UNC13B: variants seen among roughly 807,000 people sequenced by gnomAD.
The protein encoded by UNC13B is protein unc-13 homolog B.
A neutral mutation model predicts 211.0 loss-of-function variants in UNC13B; 144 were observed. The ratio of observed to expected loss-of-function variants is 0.68; its 90% CI spans 0.60 to 0.78. The LOEUF is 0.78. UNC13B is among the 30% of genes least tolerant of loss of function. The pLI is 0.00. For missense variants in UNC13B, 1,777 were observed against 2,002.0 expected (o/e 0.89, Z 2.14); for synonymous variants, 709 against 725.8 (o/e 0.98, Z 0.37).
intron 2 of UNC13B, 140 bp downstream of exon 2, chr9:35,228,184 C>A: frequency 2.4e-6 from 2 of 818,298 alleles, no homozygotes; most frequent in Non-Finnish European, 3.7e-6. Flanking sequence ...AATCATTAAT[C>A]TAGTGAAAAA....
chr9:35,377,669 A>G lies in UNC13B; in HGVS notation c.10037A>G (p.Lys3346Arg). 5 of 1,614,096 alleles carry G rather than the reference A, an allele frequency of 3.1e-6. No homozygotes were observed. Among genetic ancestry groups the G allele is most frequent in the Non-Finnish European group, 4.2e-6 (5 of 1,180,016 alleles). The change falls in exon 16 of 40, where the codon AAA (lysine) becomes AGA (arginine). Residue 3346 changes from lysine to arginine, a missense_variant. Transcript: ENST00000635942. ...CAGAGTGTACTGGATGGCACCTCCA[A>G]ATGGTCAGCCAAGATCACCATTACT... ...VKQSVLDGTS[K>R]WSAKITITVV... is the part of the protein sequence containing the mutation.
chr9:35,331,485 G>A (rs1008812469), intron 11 of UNC13B, among the ~76,000 whole-genome samples: 6 of 152,120 alleles, frequency 3.9e-5, no homozygotes, highest in South Asian at 2.1e-4. Flanking sequence ...GGCCTCAAGC[G>A]ATCTGCCTGC....
At chr9:35,348,341 C>T (rs959379130) in intron 11 of UNC13B, among the ~76,000 whole-genome samples, 2 of 152,228 alleles carry the variant, frequency 1.3e-5, no homozygotes, top group Non-Finnish European at 2.9e-5. Flanking sequence ...ATCTCTTCCT[C>T]AGCGTTCAGG....
chr9:35,198,272 G>A (rs1823057228), intron 1 of UNC13B, among the ~76,000 whole-genome samples: 1 of 152,212 alleles, frequency 6.6e-6, no homozygotes, highest in African/African-American at 2.4e-5. Flanking sequence ...TCTCCTGTGA[G>A]TGAGTAAGTT....
chr9:35,348,339 C>T (rs183113439), intron 11 of UNC13B, among the ~76,000 whole-genome samples: 1 of 152,336 alleles, frequency 6.6e-6, no homozygotes, highest in East Asian at 1.9e-4. Context: ...TTATCTCTTC[C>T]TCAGCGTTCA....
intron 11 of UNC13B, among the ~76,000 whole-genome samples, chr9:35,326,559 A>G (rs1035554001): frequency 6.6e-6 from 1 of 151,924 alleles, no homozygotes; most frequent in African/African-American, 2.4e-5. Context: ...CTAAGTTTCT[A>G]TTTTTTAGTT....
chr9:35,250,452 A>G lies in UNC13B; in HGVS notation c.468+7088A>G, dbSNP rs541452148. The stretch of plus-strand genomic sequence containing the variant: ...GGTCCTTTGTTTTCTTTCACTTAGC[A>G]TAATGTTTTCAAGGTTTCATTCTTG... On this transcript the variant is annotated intron_variant, in intron 6 of 39. Coordinates refer to ENST00000635942, the MANE Select transcript of UNC13B (RefSeq NM_001371189.2). Among the ~76,000 whole-genome samples, 4 of 152,320 alleles carry G rather than the reference A, an allele frequency of 2.6e-5. No individual in the cohort carries two copies. The East Asian group carries it at 5.8e-4, about 22-fold the overall frequency.
intron 6 of UNC13B, among the ~76,000 whole-genome samples, chr9:35,254,620 T>TC (rs1358138850): frequency 6.6e-6 from 1 of 152,006 alleles, no homozygotes; most frequent in African/African-American, 2.4e-5. Flanking sequence ...TAGATTTTTT[T>TC]CCCTAATTGT....
intron 11 of UNC13B, chr9:35,341,980 GAATCCCC>G (rs1338509942): frequency 2.0e-6 from 2 of 985,474 alleles, no homozygotes; most frequent in African/African-American, 3.5e-5. Context: ...GCTGATCTCA[GAATCCCC>G]CTTGCCAGAG....
chr9:35,240,046 C>T (rs948890285), intron 5 of UNC13B, among the ~76,000 whole-genome samples: 4 of 152,192 alleles, frequency 2.6e-5, no homozygotes, highest in Non-Finnish European at 5.9e-5. Flanking sequence ...TAGGAAATCT[C>T]GAGTATTGAT....
chr9:35,255,656 G>T (rs879370935), intron 6 of UNC13B, among the ~76,000 whole-genome samples: 1 of 152,140 alleles, frequency 6.6e-6, no homozygotes, highest in African/African-American at 2.4e-5. Flanking sequence ...TGGCAGAACT[G>T]GTTGGGCCAG....
intron 11 of UNC13B, among the ~76,000 whole-genome samples, chr9:35,365,416 C>G (rs1260847984): frequency 6.6e-6 from 1 of 152,204 alleles, no homozygotes; most frequent in Admixed American, 6.5e-5. Context: ...TGTGCATGAT[C>G]TGAGCCAGGT....
chr9:35,401,584 C>A, intron 37 of UNC13B, among the ~76,000 whole-genome samples: 1 of 152,220 alleles, frequency 6.6e-6, no homozygotes, highest in East Asian at 1.9e-4. Context: ...GCAGGGTTGG[C>A]AACTGCGGGA....
At chr9:35,249,054 G>A (rs1483063506) in intron 6 of UNC13B, among the ~76,000 whole-genome samples, 3 of 152,086 alleles carry the variant, frequency 2.0e-5, no homozygotes, top group Non-Finnish European at 4.4e-5. Flanking sequence ...TTGGGTGCAT[G>A]TATATTTAAG....
intron 1 of UNC13B, among the ~76,000 whole-genome samples, chr9:35,203,995 T>C (rs1325931790): frequency 6.6e-6 from 1 of 152,204 alleles, no homozygotes; most frequent in African/African-American, 2.4e-5. Flanking sequence ...GAAGGAAGAA[T>C]GATTTTCTTG....
In UNC13B at chr9:35,300,425, G is replaced by C. The variant is rs752869769; in HGVS notation, c.1021G>C (p.Asp341His). ...GCAGCGCATTAAGTTGGAAAGTCATGATTATGATCTGTCCAGTTGTTTAAG... is the reference window on the plus strand; with the variant it reads ...GCAGCGCATTAAGTTGGAAAGTCATCATTATGATCTGTCCAGTTGTTTAAG... ...GMQRIKLESH[D>H]YDLSSCLRHC... The change falls in exon 9 of 40, where the codon GAT becomes CAT. Residue 341 changes from aspartate to histidine, a missense_variant. Transcript: ENST00000635942. 2.5e-6 allele frequency: 1 copy of C among 398,902 alleles called. No individual in the cohort carries two copies. Among genetic ancestry groups the C allele is most frequent in the African/African-American group, 2.1e-5 (1 of 48,640 alleles). The allele number at this position is 398,902 out of a possible 1,614,324, so 24.7% of individuals were successfully genotyped here. A position where few individuals can be genotyped will look rare whatever the true frequency, so the allele number is the denominator to read the frequency against.
intron 11 of UNC13B, chr9:35,353,100 T>C (rs181141619): frequency 8.9e-6 from 11 of 1,232,112 alleles, no homozygotes; most frequent in Non-Finnish European, 1.1e-5. Flanking sequence ...TGTGACAGCA[T>C]GATGGAGGAA....
At chr9:35,271,765 T>C (rs1827895241) in intron 7 of UNC13B, among the ~76,000 whole-genome samples, 1 of 152,250 alleles carries the variant, frequency 6.6e-6, no homozygotes, top group African/African-American at 2.4e-5. Context: ...ACTGTATTAA[T>C]GACAGTATCA....
intron 11 of UNC13B, chr9:35,353,429 G>A (rs1832842123): frequency 8.1e-7 from 1 of 1,232,338 alleles, no homozygotes. Context: ...AGTGAGTTCA[G>A]GGGGTGCCCA....
Sources: gnomAD v4.1 joint callset for allele counts (sites outside exome capture counted in the v4.1 genomes callset) on GRCh38, gnomAD v4.1.1 for gene constraint, MANE v1.5 for transcripts, NCBI Gene and HGNC (gene_info 2026-07-23, HGNC 2026-07-21) for gene names.